DOCK5: variants seen among roughly 807,000 people sequenced by gnomAD.
DOCK5 encodes the protein dedicator of cytokinesis 5.
Under a neutral mutation model 251.8 loss-of-function variants are expected in DOCK5, and 142 were observed. That is an observed-to-expected ratio of 0.56 (90% CI 0.49 to 0.65). The LOEUF (loss-of-function observed/expected upper bound fraction) is 0.65, where lower values mean the gene tolerates loss of function less well. DOCK5 is among the 30% of genes least tolerant of loss of function. DOCK5 has a pLI of 0.00. For missense variants in DOCK5, 2,111 were observed against 2,312.3 expected (o/e 0.91, Z 1.79); for synonymous variants, 842 against 835.5 (o/e 1.01, Z -0.13).
intron 26 of DOCK5, among the ~76,000 whole-genome samples, chr8:25,347,821 A>G (rs925548913): frequency 1.3e-5 from 2 of 152,192 alleles, no homozygotes; most frequent in African/African-American, 4.8e-5. Context: ...GAATTGTTCT[A>G]GACGACCTCT....
intron 4 of DOCK5, among the ~76,000 whole-genome samples, chr8:25,275,955 T>G (rs543297380): frequency 2.6e-5 from 4 of 152,236 alleles, no homozygotes; most frequent in Non-Finnish European, 4.4e-5. Flanking sequence ...CTTTCTATAA[T>G]TGTTCCTCCT....
intron 14 of DOCK5, among the ~76,000 whole-genome samples, chr8:25,318,932 G>A (rs1387574567): frequency 1.3e-5 from 2 of 152,156 alleles, no homozygotes; most frequent in African/African-American, 4.8e-5. Flanking sequence ...AAGGCAAGTC[G>A]TATTCTGCAT....
Position 25,408,026 on chromosome 8 carries a change from G to A in DOCK5, c.5137G>A (p.Ala1713Thr). The change falls in exon 49 of 52, where the codon GCC becomes ACC. Residue 1713 changes from alanine (A) to threonine (T), a missense_variant. Transcript: ENST00000276440. ...TTTGGAGCGCAGGGCCTCGTCAGGT[G>A]CCAGAGTTGAAGATCTGTCCCTTAG... is the stretch of plus-strand genomic sequence containing the variant. ...PLLERRASSG[A>T]RVEDLSLREE... 2 of 1,612,548 alleles carry A rather than the reference G, an allele frequency of 1.2e-6. No homozygotes were observed. Among genetic ancestry groups the A allele is most frequent in the Non-Finnish European group, 8.5e-7 (1 of 1,179,350 alleles).
At chr8:25,284,039 G>A (rs1042719607) in intron 5 of DOCK5, among the ~76,000 whole-genome samples, 1 of 152,128 alleles carries the variant, frequency 6.6e-6, no homozygotes, top group African/African-American at 2.4e-5. Flanking sequence ...TACTGGGTAT[G>A]TACTATTATA....
chr8:25,193,860 G>A (rs528097458), intron 1 of DOCK5, among the ~76,000 whole-genome samples: 4 of 152,260 alleles, frequency 2.6e-5, no homozygotes, highest in South Asian at 2.1e-4. Context: ...AATGCAGAGC[G>A]TCACCTTGCT....
intron 42 of DOCK5, among the ~76,000 whole-genome samples, chr8:25,391,202 T>G (rs1266244740): frequency 1.8e-3 from 3 of 1,682 alleles, no homozygotes; most frequent in Non-Finnish European, 8.2e-3. Context: ...CACACCTGTG[T>G]GTGTGTGTGT....
At chr8:25,342,176 C>T (rs1032907524) in intron 24 of DOCK5, among the ~76,000 whole-genome samples, 6 of 152,052 alleles carry the variant, frequency 3.9e-5, no homozygotes, top group East Asian at 1.9e-4. Flanking sequence ...TGATGATGGA[C>T]GTGGGTGTTC....
Position 25,372,574 on chromosome 8 carries a change from C to T in DOCK5, c.3540C>T (p.Cys1180=). The T allele has an allele frequency of 6.3e-7, 1 of 1,581,132 alleles. No individual in the cohort carries two copies. Among genetic ancestry groups the T allele is most frequent in the Non-Finnish European group, 8.6e-7 (1 of 1,168,922 alleles). ...GCCCCTCCAGGCTCCTAGAACATTGCCGGAAACACAAATACCTCTCCAGCT... is the reference window on the plus strand; with the variant it reads ...GCCCCTCCAGGCTCCTAGAACATTGTCGGAAACACAAATACCTCTCCAGCT... ...VLLEKLLLEH[C]RKHKYLSSSG... The change falls in exon 35 of 52, where the codon TGC becomes TGT. Residue 1180 remains cysteine (C), a synonymous_variant. Coordinates refer to ENST00000276440, the MANE Select transcript of DOCK5 (RefSeq NM_024940.8).
At chr8:25,236,858 C>A (rs934953210) in intron 1 of DOCK5, among the ~76,000 whole-genome samples, 1 of 152,174 alleles carries the variant, frequency 6.6e-6, no homozygotes, top group Middle Eastern at 3.4e-3. Context: ...CTCGGCCTCC[C>A]AAAGTTCTGG....
intron 1 of DOCK5, among the ~76,000 whole-genome samples, chr8:25,239,375 A>G (rs1033608558): frequency 7.7e-6 from 1 of 129,550 alleles, no homozygotes; most frequent in Non-Finnish European, 1.6e-5. Context: ...GTGTGTTTCC[A>G]GCAGTCCTTG....
chr8:25,379,558 C>G (rs529019793), intron 38 of DOCK5, among the ~76,000 whole-genome samples: 1 of 152,086 alleles, frequency 6.6e-6, no homozygotes, highest in African/African-American at 2.4e-5. Context: ...TGTTCAAACG[C>G]ACATGTTTTA....
At position 25,325,476 on chromosome 8, in the gene DOCK5, C is replaced by T. The variant is rs750988280; in HGVS notation, c.1832C>T (p.Pro611Leu). 6 of 1,613,756 alleles carry T rather than the reference C, an allele frequency of 3.7e-6. No individual in the cohort carries two copies. The highest frequency in any genetic ancestry group is 5.1e-6 in the Non-Finnish European group (6 of 1,179,818). ...TCCAAAAACCTGGTCACCTTCACCC[C>T]AAGCAAGGATAGCACTAAAGACAGC... is the stretch of plus-strand genomic sequence containing the variant. ...QASKNLVTFT[P>L]SKDSTKDSFQ... is the part of the protein sequence containing the mutation. The change falls in exon 18 of 52, where the codon CCA (proline) becomes CTA (leucine). Residue 611 changes from proline to leucine, a missense_variant. Pro to Leu is a moderately conservative substitution (Grantham distance 98). Coordinates refer to ENST00000276440, the MANE Select transcript of DOCK5 (RefSeq NM_024940.8).
chr8:25,275,632 C>T (rs1050941722), intron 4 of DOCK5, among the ~76,000 whole-genome samples, 191 bp downstream of exon 4: 38 of 152,022 alleles, frequency 2.5e-4, no homozygotes, highest in African/African-American at 8.0e-4. Flanking sequence ...GTCAGGAGTT[C>T]GAAACCAGCC....
At position 25,299,026 on chromosome 8, in the gene DOCK5, A is replaced by G. The variant is rs1402893163; in HGVS notation, c.689A>G (p.Asn230Ser). ...HTYGLYVNFK[N>S]FVCNIGEDAE... is the part of the protein sequence containing the mutation. ...TATGGCCTCTATGTGAACTTCAAGA[A>G]CTTTGTCTGCAACATCGGGGAAGAT... The change falls in exon 8 of 52, where the codon AAC (asparagine) becomes AGC (serine). Residue 230 changes from asparagine (N) to serine (S), a missense_variant. Asn to Ser is a conservative substitution (Grantham distance 46). Transcript: ENST00000276440. 6.2e-7 allele frequency: 1 copy of G among 1,613,892 alleles called. No individual in the cohort carries two copies. Among genetic ancestry groups the G allele is most frequent in the Admixed American group, 1.7e-5 (1 of 60,022 alleles).
chr8:25,412,668 A>C lies in DOCK5; in HGVS notation c.*1370A>C, dbSNP rs575550147. ...CTTTTTGACTGTGAAGGCAGAGGTC[A>C]GCACTGGGGGAAACTTGCTGGTGGT... On this transcript the variant is annotated 3_prime_UTR_variant, in exon 52 of 52. Transcript: ENST00000276440. 1 of 152,404 alleles carries C rather than the reference A, an allele frequency of 6.6e-6. No homozygotes were observed. The highest frequency in any genetic ancestry group is 1.5e-5 in the Non-Finnish European group (1 of 68,056). 9.4% of individuals were successfully genotyped at this position (152,404 alleles called of 1,614,324 possible). A position where few individuals can be genotyped will look rare whatever the true frequency, so the allele number is the denominator to read the frequency against.
intron 1 of DOCK5, among the ~76,000 whole-genome samples, chr8:25,219,821 G>A (rs1802336223): frequency 6.6e-6 from 1 of 151,652 alleles, no homozygotes; most frequent in Non-Finnish European, 1.5e-5. Context: ...GTGTTGGCAT[G>A]CCTTGGTAGG....
intron 50 of DOCK5, 43 bp downstream of exon 50, chr8:25,408,983 G>A (rs1244497997): frequency 6.2e-7 from 1 of 1,613,128 alleles, no homozygotes. Flanking sequence ...ACTAGGGAAT[G>A]GAGTATGTTT....
chr8:25,372,303 G>A (rs1030120927), intron 34 of DOCK5, among the ~76,000 whole-genome samples: 1 of 152,224 alleles, frequency 6.6e-6, no homozygotes, highest in Non-Finnish European at 1.5e-5. Context: ...GTGATGTTGG[G>A]ACTTGAGCTG....
chr8:25,394,622 T>C (rs775519958), intron 44 of DOCK5, among the ~76,000 whole-genome samples: 2 of 152,182 alleles, frequency 1.3e-5, no homozygotes, highest in Non-Finnish European at 2.9e-5. Flanking sequence ...GACTCAGATC[T>C]GATATCCTGC....
Sources: allele counts gnomAD v4.1 joint callset (sites outside exome capture counted in the v4.1 genomes callset), GRCh38; gene constraint gnomAD v4.1.1; transcripts MANE v1.5; gene names NCBI Gene and HGNC (gene_info 2026-07-23, HGNC 2026-07-21).